Variants in CLTCL1 observed in about 807,000 individuals in gnomAD.
CLTCL1 encodes clathrin heavy chain like 1, also known as clathrin heavy chain 2.
CLTCL1 carries 159 observed loss-of-function variants against 190.0 expected under a neutral mutation model. The observed-to-expected ratio is 0.84, with a 90% confidence interval of 0.74 to 0.95. The LOEUF is 0.95. Among genes scored for constraint, CLTCL1 ranks in the 40% least tolerant of loss-of-function variants. The probability of loss-of-function intolerance (pLI) is 0.00; values close to 1 mark genes in which losing one functional copy is unlikely to be tolerated. For missense variants in CLTCL1, 1,878 were observed against 2,033.4 expected (o/e 0.92, Z 1.47); for synonymous variants, 752 against 769.6 (o/e 0.98, Z 0.38).
At position 19,251,731 on chromosome 22, in the gene CLTCL1, C is replaced by T. The variant is rs566913856; in HGVS notation, c.519+2228G>A. On this transcript the variant is annotated intron_variant, in intron 3 of 32. Coordinates refer to ENST00000427926, the MANE Select transcript of CLTCL1 (RefSeq NM_007098.4). ...TTGGCCTCCCAAAGTGCTGGGATTA[C>T]AGGCGTGAGCCACCGTGCCCAGCCT... is the stretch of plus-strand genomic sequence containing the variant. Among the ~76,000 whole-genome samples, 6 of 152,358 alleles carry T rather than the reference C, an allele frequency of 3.9e-5. No individual in the cohort carries two copies. The East Asian group carries it at 5.8e-4, about 15-fold the overall frequency.
At position 19,283,199 on chromosome 22, in the gene CLTCL1, G is replaced by A. The variant is rs146625520; in HGVS notation, c.43-7369C>T. 5.5e-3 allele frequency among the ~76,000 whole-genome samples: 828 copies of A among 151,238 alleles called. 11 individuals are homozygous for A. Among genetic ancestry groups the A allele is most frequent in the African/African-American group, 0.018 (742 of 41,258 alleles). On this transcript the variant is annotated intron_variant, in intron 1 of 32. Transcript: ENST00000427926. ...GGTTTGTTTTTTTTTTCACTAGTTA[G>A]TAGAAATAACCAAGGATTCCTGATC...
intron 2 of CLTCL1, among the ~76,000 whole-genome samples, chr22:19,259,417 A>C (rs546318041): frequency 5.9e-5 from 9 of 152,320 alleles, no homozygotes; most frequent in African/African-American, 1.9e-4. Context: ...ACAACAACAA[A>C]AAAAATCAAA....
chr22:19,250,450 T>C (rs937082288), intron 3 of CLTCL1, among the ~76,000 whole-genome samples: 6 of 151,608 alleles, frequency 4.0e-5, no homozygotes, highest in Non-Finnish European at 7.4e-5. Flanking sequence ...GCAATTCTCC[T>C]GCCTGAGCCT....
intron 16 of CLTCL1, 45 bp downstream of exon 16, chr22:19,221,905 AC>A (rs1569189238): frequency 6.2e-7 from 1 of 1,601,112 alleles, no homozygotes; most frequent in South Asian, 1.1e-5. Flanking sequence ...AACAACAGAC[AC>A]TAGAATCCAG....
chr22:19,202,389 A>C, intron 22 of CLTCL1, among the ~76,000 whole-genome samples: 1 of 149,692 alleles, frequency 6.7e-6, no homozygotes, highest in South Asian at 2.1e-4. Context: ...CACCTCCCGC[A>C]CCAACCCTCC....
At chr22:19,184,882 A>C in intron 29 of CLTCL1, 1 of 277,808 alleles carries the variant, frequency 3.6e-6, no homozygotes, top group Non-Finnish European at 7.1e-6. Context: ...TGCCACTCTC[A>C]GGGAGGCTTC....
At position 19,201,360 on chromosome 22, in the gene CLTCL1, C is replaced by G. The variant is rs782735553; in HGVS notation, c.3734G>C (p.Arg1245Pro). 6.2e-7 allele frequency: 1 copy of G among 1,612,712 alleles called. No individual in the cohort carries two copies. Among genetic ancestry groups the G allele is most frequent in the East Asian group, 2.2e-5 (1 of 44,876 alleles). Residue 1245 changes from arginine (R) to proline (P), a missense_variant, in exon 23 of 33, where the codon CGC (arginine) becomes CCC (proline). Physicochemically the swap from Arg to Pro is moderately radical, Grantham distance 103. Transcript: ENST00000427926. ...CCACGTCCGGGTGCTGCTGGCCTTG[C>G]GGCTGTTGTCCACTGCTGCCTGATA... The part of the protein sequence containing the change: ...GEYQAAVDNS[R>P]KASSTRTWKE...
chr22:19,276,883 A>G (rs1053095234), intron 1 of CLTCL1, among the ~76,000 whole-genome samples: 5 of 152,164 alleles, frequency 3.3e-5, no homozygotes, highest in Admixed American at 6.5e-5. Context: ...CGTGTTAGCC[A>G]GGATGGTCTC....
intron 12 of CLTCL1, 96 bp from the exon 13 acceptor site, chr22:19,225,729 G>C: frequency 8.7e-7 from 1 of 1,148,282 alleles, no homozygotes; most frequent in South Asian, 1.7e-5. Context: ...TCCCCTGAGT[G>C]TCAAAAATAC....
At chr22:19,211,909 A>G (rs2085241517) in intron 19 of CLTCL1, among the ~76,000 whole-genome samples, 1 of 152,172 alleles carries the variant, frequency 6.6e-6, no homozygotes, top group African/African-American at 2.4e-5. Context: ...TCAACATACA[A>G]AAATCAATTG....
rs556883394 is a variant in CLTCL1, at chr22:19,233,033, A to G, written c.1521+133T>C. 26 of 927,980 alleles carry G rather than the reference A, an allele frequency of 2.8e-5. No individual in the cohort carries two copies. In the Admixed American group the frequency reaches 3.1e-4, roughly 11 times the overall value. 57.5% of individuals were successfully genotyped at this position (927,980 alleles called of 1,614,324 possible). A position where few individuals can be genotyped will look rare whatever the true frequency, so the allele number is the denominator to read the frequency against. On this transcript the variant is annotated intron_variant, in intron 9 of 32. Transcript: ENST00000427926. ...TAAAATATGATCATTATGAATAAAG[A>G]TCCTAACAGCAACATTGCCAACTCT...
intron 18 of CLTCL1, among the ~76,000 whole-genome samples, chr22:19,217,979 T>C (rs919194897): frequency 1.3e-5 from 2 of 152,138 alleles, no homozygotes; most frequent in Non-Finnish European, 2.9e-5. Flanking sequence ...CCACCTAAGG[T>C]TGCCTCAGGA....
intron 2 of CLTCL1, among the ~76,000 whole-genome samples, chr22:19,262,562 G>A (rs1242312882): frequency 4.7e-5 from 7 of 149,584 alleles, no homozygotes; most frequent in African/African-American, 1.5e-4. Flanking sequence ...AACCCGGGAG[G>A]CGGAGCTTAC....
In CLTCL1 at chr22:19,291,708, C is replaced by G. The variant is rs1046094696; in HGVS notation, c.-67G>C. 1.2e-5 allele frequency: 16 copies of G among 1,300,750 alleles called. No individual in the cohort carries two copies. The highest frequency in any genetic ancestry group is 1.6e-5 in the Non-Finnish European group (16 of 1,017,036). The allele number at this position is 1,300,750 out of a possible 1,614,324, so 80.6% of individuals were successfully genotyped here. A position where few individuals can be genotyped will look rare whatever the true frequency, so the allele number is the denominator to read the frequency against. On this transcript the variant is annotated 5_prime_UTR_variant, in exon 1 of 33. Coordinates refer to ENST00000427926, the MANE Select transcript of CLTCL1 (RefSeq NM_007098.4). Reference sequence around the variant, plus strand: ...AATGAACGCCGACCCCTCGCGCGGGCTGACCGGTGGCGACGGCGCAGGCGC... The same window carrying G: ...AATGAACGCCGACCCCTCGCGCGGGGTGACCGGTGGCGACGGCGCAGGCGC...
At chr22:19,206,750 T>C (rs999488925) in intron 22 of CLTCL1, among the ~76,000 whole-genome samples, 5 of 152,114 alleles carry the variant, frequency 3.3e-5, no homozygotes, top group African/African-American at 9.7e-5. Flanking sequence ...TTTGTTGTTA[T>C]TCATTTCAAT....
intron 27 of CLTCL1, 115 bp from the exon 28 acceptor site, chr22:19,188,206 C>T: frequency 1.1e-6 from 1 of 885,116 alleles, no homozygotes; most frequent in South Asian, 1.4e-5. Flanking sequence ...GCTCTGGAGC[C>T]AAGGGCACCT....
At position 19,291,274 on chromosome 22, in the gene CLTCL1, G is replaced by A. The variant is rs568476910; in HGVS notation, c.42+326C>T. On this transcript the variant is annotated intron_variant, in intron 1 of 32. Transcript: ENST00000427926. ...GGCGTGGAGCTGTGGGATCCGCGCG[G>A]CCCTTGGGTTGCCCTGCCTGCAGCG... 4.4e-4 allele frequency among the ~76,000 whole-genome samples: 67 copies of A among 152,292 alleles called. 1 individual carries two copies. The South Asian group carries it at 0.014, about 32-fold the overall frequency.
At chr22:19,228,288 G>C (rs1025486253) in intron 11 of CLTCL1, among the ~76,000 whole-genome samples, 1 of 152,220 alleles carries the variant, frequency 6.6e-6, no homozygotes, top group Non-Finnish European at 1.5e-5. Context: ...GTATTTTATA[G>C]AATGTAGAAA....
At chr22:19,191,847 G>A (rs1314865938) in intron 26 of CLTCL1, among the ~76,000 whole-genome samples, 1 of 152,168 alleles carries the variant, frequency 6.6e-6, no homozygotes, top group Non-Finnish European at 1.5e-5. Flanking sequence ...ATAACCAAGT[G>A]GACAGCATGT....
Sources: allele counts gnomAD v4.1 joint callset (sites outside exome capture counted in the v4.1 genomes callset), GRCh38; gene constraint gnomAD v4.1.1; transcripts MANE v1.5; gene names NCBI Gene and HGNC (gene_info 2026-07-23, HGNC 2026-07-21).